The following RANBP17 variants were observed in gnomAD, a reference collection of about 807,000 sequenced individuals.
The protein encoded by RANBP17 is RAN binding protein 17.
A neutral mutation model predicts 141.2 loss-of-function variants in RANBP17; 158 were observed. That is an observed-to-expected ratio of 1.12 (90% CI 0.98 to 1.28). The LOEUF (loss-of-function observed/expected upper bound fraction) is 1.28, where lower values mean the gene tolerates loss of function less well. Ranked by LOEUF, RANBP17 falls within the 50% of genes most tolerant of loss-of-function variation. RANBP17 has a pLI of 0.00. For synonymous variants in RANBP17, 430 were observed against 450.0 expected, an observed-to-expected ratio of 0.96 and a Z score of 0.56; for missense variants, 1,438 against 1,290.7, an observed-to-expected ratio of 1.11 and a Z score of -1.75.
intron 25 of RANBP17, among the ~76,000 whole-genome samples, chr5:171,272,979 G>A (rs538152907): frequency 6.6e-6 from 1 of 152,258 alleles, no homozygotes; most frequent in East Asian, 1.9e-4. Flanking sequence ...ATATAATTTA[G>A]TAGGACACGT....
chr5:171,248,834 A>C (rs1463277408), intron 24 of RANBP17, among the ~76,000 whole-genome samples: 2 of 152,142 alleles, frequency 1.3e-5, no homozygotes, highest in Non-Finnish European at 2.9e-5. Context: ...CAAGACCCAA[A>C]GGGTCATCCT....
chr5:170,864,498 G>A (rs1334990162), intron 1 of RANBP17, among the ~76,000 whole-genome samples: 1 of 152,198 alleles, frequency 6.6e-6, no homozygotes, highest in Non-Finnish European at 1.5e-5. Flanking sequence ...ATCATTCAAA[G>A]CAGTTGCATT....
intron 7 of RANBP17, chr5:170,911,360 A>G: frequency 3.4e-6 from 2 of 580,368 alleles, no homozygotes; most frequent in Non-Finnish European, 6.1e-6. Context: ...CAAGGACTGC[A>G]CTAGAGCTAA....
intron 14 of RANBP17, among the ~76,000 whole-genome samples, chr5:171,120,804 T>C (rs144339105): frequency 1.3e-5 from 2 of 152,348 alleles, no homozygotes; most frequent in Non-Finnish European, 2.9e-5. Context: ...TGTCCCTAGG[T>C]TGATTTCTAT....
intron 14 of RANBP17, among the ~76,000 whole-genome samples, chr5:171,148,987 T>G (rs2127828317): frequency 6.6e-6 from 1 of 152,308 alleles, no homozygotes; most frequent in Non-Finnish European, 1.5e-5. Flanking sequence ...TCCCTGAAAC[T>G]TCAGTACAAG....
At chr5:171,165,430 G>A (rs530023990) in intron 14 of RANBP17, among the ~76,000 whole-genome samples, 13 of 152,134 alleles carry the variant, frequency 8.5e-5, no homozygotes, top group South Asian at 2.1e-4. Context: ...CTCCCACCTC[G>A]GCCTCCCAAA....
intron 14 of RANBP17, among the ~76,000 whole-genome samples, chr5:170,978,702 G>T (rs1471646758): frequency 6.6e-6 from 1 of 152,138 alleles, no homozygotes; most frequent in African/African-American, 2.4e-5. Context: ...TTACCTTTGG[G>T]TAGGGAGAAT....
intron 13 of RANBP17, among the ~76,000 whole-genome samples, chr5:170,964,055 T>G (rs918360633): frequency 2.0e-5 from 3 of 152,186 alleles, no homozygotes; most frequent in African/African-American, 2.4e-5. Context: ...TTTTCAACTT[T>G]CCAGAAATTC....
chr5:171,118,502 C>T (rs1481137119), intron 14 of RANBP17, among the ~76,000 whole-genome samples: 1 of 151,916 alleles, frequency 6.6e-6, no homozygotes, highest in Non-Finnish European at 1.5e-5. Flanking sequence ...GTCAGTTTTA[C>T]AATATTAAGT....
Position 171,183,210 on chromosome 5 carries a change from T to A in RANBP17, c.1909T>A (p.Phe637Ile). 3 of 1,591,750 alleles carry A rather than the reference T, an allele frequency of 1.9e-6. No individual in the cohort carries two copies. Among genetic ancestry groups the A allele is most frequent in the Non-Finnish European group, 2.6e-6 (3 of 1,159,690 alleles). ...KKLVKIDAVK[F>I]MLKNHTSEHF... is the part of the protein sequence containing the mutation. ...ACTTGTGAAGATAGATGCTGTGAAA[T>A]TCATGCTAAAAAACCACACGGTAAG... Residue 637 changes from phenylalanine to isoleucine, a missense_variant, in exon 17 of 28, where the codon TTC (phenylalanine) becomes ATC (isoleucine). Coordinates refer to ENST00000523189, the MANE Select transcript of RANBP17 (RefSeq NM_022897.5).
intron 14 of RANBP17, among the ~76,000 whole-genome samples, chr5:170,969,685 A>T (rs1330649094): frequency 6.6e-6 from 1 of 152,008 alleles, no homozygotes. Flanking sequence ...GGAACTATGT[A>T]AAATGAGACT....
chr5:170,955,937 A>G (rs1488682674), intron 13 of RANBP17, among the ~76,000 whole-genome samples: 1 of 150,438 alleles, frequency 6.6e-6, no homozygotes, highest in Non-Finnish European at 1.5e-5. Flanking sequence ...TTATGTATTC[A>G]GATCTATGGA....
intron 14 of RANBP17, among the ~76,000 whole-genome samples, chr5:171,155,094 A>AATATAT (rs1554106866): frequency 1.3e-3 from 96 of 74,944 alleles, no homozygotes; most frequent in African/African-American, 2.9e-3. Context: ...AAAAAAAAAA[A>AATATAT]ATATATATAT....
chr5:171,094,960 A>G (rs377758393), intron 14 of RANBP17, among the ~76,000 whole-genome samples: 12 of 152,132 alleles, frequency 7.9e-5, no homozygotes, highest in Admixed American at 3.9e-4. Context: ...ATTGGGTTGA[A>G]TAAAGTAAGT....
chr5:171,224,815 T>C (rs1237834731), intron 22 of RANBP17, among the ~76,000 whole-genome samples: 1 of 152,240 alleles, frequency 6.6e-6, no homozygotes, highest in Admixed American at 6.5e-5. Context: ...TTGGTAGCTT[T>C]CACTTTGTTA....
At chr5:171,105,858 T>C (rs1754792496) in intron 14 of RANBP17, among the ~76,000 whole-genome samples, 1 of 152,154 alleles carries the variant, frequency 6.6e-6, no homozygotes, top group Non-Finnish European at 1.5e-5. Context: ...TGTGGGGATA[T>C]TGTTGGAAAA....
At chr5:171,050,619 A>G (rs1782894146) in intron 14 of RANBP17, among the ~76,000 whole-genome samples, 2 of 152,186 alleles carry the variant, frequency 1.3e-5, no homozygotes, top group Non-Finnish European at 2.9e-5. Context: ...AGGCAGAAGG[A>G]TGGCTTGATT....
intron 14 of RANBP17, among the ~76,000 whole-genome samples, chr5:171,129,186 G>A (rs963036129): frequency 1.3e-5 from 2 of 152,180 alleles, no homozygotes; most frequent in Admixed American, 1.3e-4. Flanking sequence ...AGAGAGACAT[G>A]AAGCAACAAG....
At chr5:171,236,004 G>A (rs61098649) in intron 22 of RANBP17, among the ~76,000 whole-genome samples, 3,982 of 152,188 alleles carry the variant, frequency 0.026, 172 homozygotes, top group African/African-American at 0.09. Context: ...ACACTGCATT[G>A]TGTTATCTTT....
Sources: gnomAD v4.1 joint callset for allele counts (sites outside exome capture counted in the v4.1 genomes callset) on GRCh38, gnomAD v4.1.1 for gene constraint, MANE v1.5 for transcripts, NCBI Gene and HGNC (gene_info 2026-07-23, HGNC 2026-07-21) for gene names.